NR4A3: variants seen among roughly 807,000 people sequenced by gnomAD.
NR4A3 encodes nuclear receptor subfamily 4 group A member 3, also known as chondrosarcoma, extraskeletal myxoid, fused to EWS.
Under a neutral mutation model 55.6 loss-of-function variants are expected in NR4A3, and 13 were observed. The ratio of observed to expected loss-of-function variants is 0.23; its 90% CI spans 0.15 to 0.37. The LOEUF (loss-of-function observed/expected upper bound fraction) is 0.37. Among genes scored for constraint, NR4A3 ranks in the 10% least tolerant of loss-of-function variants. NR4A3 has a pLI of 1.00. For synonymous variants in NR4A3, 342 were observed against 357.9 expected (o/e 0.96, Z 0.50); for missense variants, 646 against 822.8 (o/e 0.79, Z 2.63).
At chr9:99,853,549 A>G (rs578235202) in intron 7 of NR4A3, among the ~76,000 whole-genome samples, 19 of 74,194 alleles carry the variant, frequency 2.6e-4, no homozygotes, top group Middle Eastern at 4.4e-3. Flanking sequence ...TCATTGTTCA[A>G]TTCCCACCTA....
Position 99,864,225 on chromosome 9 carries a change from C to T in NR4A3, c.*358C>T, listed in dbSNP as rs533076506. 1 of 261,812 alleles carries T rather than the reference C, an allele frequency of 3.8e-6. No individual in the cohort carries two copies. The highest frequency in any genetic ancestry group is 5.6e-5 in the East Asian group (1 of 17,998). 16.2% of individuals were successfully genotyped at this position (261,812 alleles called of 1,614,324 possible). A position where few individuals can be genotyped will look rare whatever the true frequency, so the allele number is the denominator to read the frequency against. ...TGTTTTAAAACTCTTTCTGGGGAAT[C>T]CAATTATAGTTGCTTTGTATTTAAA... On this transcript the variant is annotated 3_prime_UTR_variant, in exon 8 of 8. Coordinates refer to ENST00000395097, the MANE Select transcript of NR4A3 (RefSeq NM_006981.4).
At chr9:99,857,554 A>T (rs1255987796) in intron 7 of NR4A3, among the ~76,000 whole-genome samples, 5 of 152,084 alleles carry the variant, frequency 3.3e-5, no homozygotes, top group Non-Finnish European at 5.9e-5. Flanking sequence ...TGGGAGGCCA[A>T]GGCAGGCGGA....
chr9:99,835,961 T>C (rs1827552901), intron 5 of NR4A3, among the ~76,000 whole-genome samples: 1 of 152,238 alleles, frequency 6.6e-6, no homozygotes, highest in African/African-American at 2.4e-5. Flanking sequence ...TTTAATTGCA[T>C]TATTTTGGAA....
At chr9:99,850,078 A>G (rs1827821053) in intron 7 of NR4A3, among the ~76,000 whole-genome samples, 1 of 152,194 alleles carries the variant, frequency 6.6e-6, no homozygotes, top group East Asian at 1.9e-4. Flanking sequence ...ACAGCTGAAA[A>G]TTGGAGTGAC....
intron 5 of NR4A3, among the ~76,000 whole-genome samples, chr9:99,840,471 T>A (rs961727038): frequency 1.3e-5 from 2 of 152,236 alleles, no homozygotes; most frequent in African/African-American, 2.4e-5. Flanking sequence ...GGGAAACTAT[T>A]CATTCTTTAG....
intron 5 of NR4A3, among the ~76,000 whole-genome samples, chr9:99,834,258 G>C (rs1308730938): frequency 1.3e-5 from 2 of 152,126 alleles, no homozygotes; most frequent in Non-Finnish European, 2.9e-5. Context: ...AGAACCATGA[G>C]AAAGGATTTC....
At chr9:99,826,875 C>A in intron 2 of NR4A3, 1 of 1,415,368 alleles carries the variant, frequency 7.1e-7, no homozygotes, top group Non-Finnish European at 9.9e-7. Flanking sequence ...CCATAGACTC[C>A]AAAGAGGCGT....
At chr9:99,834,679 T>C (rs1812937822) in intron 5 of NR4A3, 1 of 435,278 alleles carries the variant, frequency 2.3e-6, no homozygotes, top group Non-Finnish European at 3.1e-6. Flanking sequence ...GTCCCTGCTA[T>C]GTGCCCTTCT....
chr9:99,865,063 G>A lies in NR4A3; in HGVS notation c.*1196G>A, dbSNP rs981484112. 9.9e-6 allele frequency: 2 copies of A among 202,778 alleles called. No homozygotes were observed. The highest frequency in any genetic ancestry group is 2.3e-5 in the African/African-American group (1 of 43,638). The allele number at this position is 202,778 out of a possible 1,614,324, so 12.6% of individuals were successfully genotyped here. On this transcript the variant is annotated 3_prime_UTR_variant, in exon 8 of 8. Coordinates refer to ENST00000395097, the MANE Select transcript of NR4A3 (RefSeq NM_006981.4). The surrounding 1 kb of genome is among the most constrained non-coding windows in gnomAD (Gnocchi z 4.3). Reference sequence around the variant, plus strand: ...GTACTAGGAAGGATTAGTGGGCTGCGTTTCAACATTCCGTGTTCGTACTCC... The same window carrying A: ...GTACTAGGAAGGATTAGTGGGCTGCATTTCAACATTCCGTGTTCGTACTCC...
At chr9:99,834,223 C>T (rs777961966) in intron 5 of NR4A3, among the ~76,000 whole-genome samples, 2 of 152,052 alleles carry the variant, frequency 1.3e-5, no homozygotes, top group Non-Finnish European at 2.9e-5. Flanking sequence ...CCTGCAAATT[C>T]CTCAAAATTT....
intron 7 of NR4A3, among the ~76,000 whole-genome samples, chr9:99,854,939 A>G (rs913323292): frequency 2.8e-5 from 4 of 140,454 alleles, no homozygotes; most frequent in Non-Finnish European, 6.1e-5. Flanking sequence ...CATTTTCACG[A>G]TATTGATTCT....
Position 99,863,735 on chromosome 9 carries a change from C to T in NR4A3, c.1749C>T (p.Val583=). 6.2e-7 allele frequency: 1 copy of T among 1,613,958 alleles called. No individual in the cohort carries two copies. The highest frequency in any genetic ancestry group is 8.5e-7 in the Non-Finnish European group (1 of 1,179,954). Residue 583 remains valine, a synonymous_variant, in exon 8 of 8, where the codon GTC becomes GTT. Coordinates refer to ENST00000395097, the MANE Select transcript of NR4A3 (RefSeq NM_006981.4). ...GQALEPTESK[V]LGALVELRKI... ...CTCTGGAGCCCACCGAGTCCAAGGTCCTGGGTGCCCTGGTAGAACTGAGGA... is the reference window on the plus strand; with the variant it reads ...CTCTGGAGCCCACCGAGTCCAAGGTTCTGGGTGCCCTGGTAGAACTGAGGA...
Position 99,863,972 on chromosome 9 carries a change from GA to G in NR4A3, c.*109del. Reference sequence around the variant, plus strand: ...ATCATTTCCTGTCCTTCCTTAAGAGGAAAAGCAGCTCCTGTAGAAAGCAAAG... The same window carrying G: ...ATCATTTCCTGTCCTTCCTTAAGAGGAAAGCAGCTCCTGTAGAAAGCAAAG... On this transcript the variant is annotated 3_prime_UTR_variant, in exon 8 of 8. Coordinates refer to ENST00000395097, the MANE Select transcript of NR4A3 (RefSeq NM_006981.4). 1 of 1,307,864 alleles carries G rather than the reference GA, an allele frequency of 7.6e-7. No homozygotes were observed. Among genetic ancestry groups the G allele is most frequent in the Non-Finnish European group, 1.0e-6 (1 of 955,702 alleles). The allele number at this position is 1,307,864 out of a possible 1,614,324, so 81.0% of individuals were successfully genotyped here. A position where few individuals can be genotyped will look rare whatever the true frequency, so the allele number is the denominator to read the frequency against.
At chr9:99,842,981 T>A (rs1827681256) in intron 5 of NR4A3, among the ~76,000 whole-genome samples, 1 of 152,196 alleles carries the variant, frequency 6.6e-6, no homozygotes, top group South Asian at 2.1e-4. Flanking sequence ...GTGAAGGAAA[T>A]GATGTGCCTA....
intron 2 of NR4A3, among the ~76,000 whole-genome samples, chr9:99,827,234 ATTAG>A (rs1462996781): frequency 3.3e-5 from 5 of 151,460 alleles, no homozygotes; most frequent in Non-Finnish European, 7.4e-5. Context: ...GATATGTTTT[ATTAG>A]TTAGAATTGG....
chr9:99,839,584 G>C (rs547431086), intron 5 of NR4A3, among the ~76,000 whole-genome samples: 2 of 152,264 alleles, frequency 1.3e-5, no homozygotes, highest in East Asian at 3.9e-4. Context: ...ACCCATTTTA[G>C]TTTACATAAT....
At chr9:99,843,945 G>T (rs1827704812) in intron 5 of NR4A3, among the ~76,000 whole-genome samples, 1 of 151,986 alleles carries the variant, frequency 6.6e-6, no homozygotes, top group African/African-American at 2.4e-5. Context: ...GTGGAGATGG[G>T]GTTTCACCAT....
At chr9:99,830,141 G>T (rs1827411055) in intron 3 of NR4A3, among the ~76,000 whole-genome samples, 2 of 152,200 alleles carry the variant, frequency 1.3e-5, no homozygotes. Context: ...GCTGGACAGG[G>T]TAGAAAGAAA....
intron 7 of NR4A3, among the ~76,000 whole-genome samples, chr9:99,855,060 G>A (rs1372830246): frequency 6.7e-6 from 1 of 149,278 alleles, no homozygotes; most frequent in Non-Finnish European, 1.5e-5. Context: ...CTTGTAAGTT[G>A]GATTCCTAGG....
Sources: allele counts gnomAD v4.1 joint callset (sites outside exome capture counted in the v4.1 genomes callset), GRCh38; gene constraint gnomAD v4.1.1; non-coding constraint Gnocchi (gnomAD v3.1); transcripts MANE v1.5; gene names NCBI Gene and HGNC (gene_info 2026-07-23, HGNC 2026-07-21).